The following IGSF5 variants were observed in gnomAD, a reference collection of about 807,000 sequenced individuals.
The protein encoded by IGSF5 is immunoglobulin superfamily 5 like.
Under a neutral mutation model 39.4 loss-of-function variants are expected in IGSF5, and 41 were observed. The observed-to-expected ratio is 1.04, with a 90% CI of 0.81 to 1.35. The LOEUF is 1.35. Among genes scored for constraint, IGSF5 ranks in the 40% most tolerant of loss-of-function variants. The probability of loss-of-function intolerance (pLI) is 0.00; values close to 1 mark genes in which losing one functional copy is unlikely to be tolerated. For synonymous variants in IGSF5, 183 were observed against 175.3 expected (o/e 1.04, Z -0.34); for missense variants, 487 against 494.6 (o/e 0.98, Z 0.15).
At chr21:39,744,194 A>G (rs2079960777), upstream of IGSF5, among the ~76,000 whole-genome samples, 5 of 152,142 alleles carry the variant, frequency 3.3e-5, no homozygotes, top group South Asian at 1.0e-3. Context: ...GGGCTGCTGG[A>G]TTCTAGTGGT....
intron 6 of IGSF5, among the ~76,000 whole-genome samples, chr21:39,789,712 C>T (rs1646987198): frequency 6.6e-6 from 1 of 152,166 alleles, no homozygotes. Flanking sequence ...AAATCACCCA[C>T]ACTTCTATAG....
intron 5 of IGSF5, among the ~76,000 whole-genome samples, chr21:39,783,258 C>T (rs905464971): frequency 3.9e-5 from 6 of 152,082 alleles, no homozygotes; most frequent in African/African-American, 1.2e-4. Flanking sequence ...TGTATGATAG[C>T]TCTATTTTTA....
chr21:39,793,154 C>G (rs1269721705), intron 7 of IGSF5, among the ~76,000 whole-genome samples: 2 of 152,090 alleles, frequency 1.3e-5, no homozygotes, highest in Non-Finnish European at 2.9e-5. Flanking sequence ...AATATTTATT[C>G]ATTAGTATTT....
At chr21:39,759,049 TCTAA>T (rs58995720) in intron 2 of IGSF5, among the ~76,000 whole-genome samples, 11,697 of 152,042 alleles carry the variant, frequency 0.077, 602 homozygotes, top group East Asian at 0.28. Flanking sequence ...CATTCTGACT[TCTAA>T]CTGTGTAGAC....
intron 2 of IGSF5, among the ~76,000 whole-genome samples, chr21:39,763,973 T>C (rs2080073327): frequency 6.6e-6 from 1 of 152,194 alleles, no homozygotes; most frequent in Non-Finnish European, 1.5e-5. Flanking sequence ...AGTTGTGTTT[T>C]AGAGTCATAC....
At chr21:39,796,628 G>T (rs2086997519) in intron 8 of IGSF5, among the ~76,000 whole-genome samples, 1 of 152,146 alleles carries the variant, frequency 6.6e-6, no homozygotes, top group Admixed American at 6.6e-5. Flanking sequence ...GCGCACACAG[G>T]CCTCCCAGGC....
At chr21:39,746,119 T>C (rs753695058) in intron 1 of IGSF5, 97 bp from the exon 2 acceptor site, 81 of 694,348 alleles carry the variant, frequency 1.2e-4, no homozygotes, top group Non-Finnish European at 2.0e-4. Flanking sequence ...GACTAGTGTT[T>C]AGCTCGATTA....
At chr21:39,747,484 C>T (rs388152) in intron 2 of IGSF5, among the ~76,000 whole-genome samples, 124,353 of 152,108 alleles carry the variant, frequency 0.82, 51,011 homozygotes, top group Admixed American at 0.86. Flanking sequence ...AACTGTAATA[C>T]CAAAGAAGAA....
chr21:39,798,703 T>C (rs2146297492), intron 8 of IGSF5, among the ~76,000 whole-genome samples: 1 of 152,262 alleles, frequency 6.6e-6, no homozygotes, highest in East Asian at 1.9e-4. Context: ...AACTAGAACT[T>C]TAATATTTTA....
intron 2 of IGSF5, among the ~76,000 whole-genome samples, chr21:39,750,668 C>T: frequency 6.6e-6 from 1 of 152,200 alleles, no homozygotes; most frequent in East Asian, 1.9e-4. Context: ...TCCACCAGTC[C>T]TCCAGCAAAT....
chr21:39,741,289 T>G (rs2079947830), upstream of IGSF5, among the ~76,000 whole-genome samples: 1 of 152,224 alleles, frequency 6.6e-6, no homozygotes, highest in African/African-American at 2.4e-5. Flanking sequence ...CTGGCTATTT[T>G]GCCGTACCTG....
chr21:39,754,739 A>G (rs1190107676), intron 2 of IGSF5, among the ~76,000 whole-genome samples: 3 of 152,236 alleles, frequency 2.0e-5, no homozygotes, highest in African/African-American at 7.2e-5. Context: ...TTAAATCTCA[A>G]GTCCTGTTCA....
At chr21:39,726,311 A>G in the IGSF5 span, among the ~76,000 whole-genome samples, 34 of 152,324 alleles carry the variant, frequency 2.2e-4, no homozygotes, top group African/African-American at 7.9e-4. Flanking sequence ...CAGAAATTAG[A>G]TGGAGACCTC....
intron 6 of IGSF5, among the ~76,000 whole-genome samples, chr21:39,789,203 A>G (rs1257514832): frequency 1.3e-5 from 2 of 152,112 alleles, no homozygotes; most frequent in African/African-American, 4.8e-5. Context: ...AACATCTTCC[A>G]TTTCTGTTCT....
chr21:39,719,514 T>A, the IGSF5 span, among the ~76,000 whole-genome samples: 2 of 152,184 alleles, frequency 1.3e-5, no homozygotes, highest in Non-Finnish European at 2.9e-5. Flanking sequence ...ATATGATGAA[T>A]CCCTAGGCTC....
chr21:39,749,561 C>A (rs1294461510), intron 2 of IGSF5, among the ~76,000 whole-genome samples: 1 of 152,326 alleles, frequency 6.6e-6, no homozygotes, highest in South Asian at 2.1e-4. Context: ...AAGGACGCAC[C>A]TATGACACAG....
intron 6 of IGSF5, among the ~76,000 whole-genome samples, chr21:39,789,903 C>T (rs1413258846): frequency 6.6e-6 from 1 of 152,134 alleles, no homozygotes; most frequent in Middle Eastern, 3.2e-3. Flanking sequence ...CAAATACTTG[C>T]CCACAGCATT....
rs754130646 is a variant in IGSF5 at position 39,765,781 on chromosome 21, GTGA to G, written c.349_351del (p.Asp117del). ...ATGATCATCCACAATGTGGAGCCCA[GTGA>G]TTCGGGGAACATCAGATGCAGCCTC... On this transcript the variant is annotated inframe_deletion, in exon 3 of 9. Transcript: ENST00000380588. 1 of 1,614,140 alleles carries G rather than the reference GTGA, an allele frequency of 6.2e-7. No homozygotes were observed. Among genetic ancestry groups the G allele is most frequent in the East Asian group, 2.2e-5 (1 of 44,852 alleles).
chr21:39,784,461 C>G (rs1420642700), intron 5 of IGSF5, among the ~76,000 whole-genome samples: 1 of 152,152 alleles, frequency 6.6e-6, no homozygotes, highest in Non-Finnish European at 1.5e-5. Context: ...TTTTTAGTTT[C>G]TTCATCTACA....
Sources: gnomAD v4.1 joint callset for allele counts (sites outside exome capture counted in the v4.1 genomes callset) on GRCh38, gnomAD v4.1.1 for gene constraint, MANE v1.5 for transcripts, NCBI Gene and HGNC (gene_info 2026-07-23, HGNC 2026-07-21) for gene names.